The following KCNB2 variants were observed in gnomAD, a reference collection of about 807,000 sequenced individuals.
The protein encoded by KCNB2 is potassium voltage-gated channel subfamily B member 2.
In KCNB2, 15 loss-of-function variants were observed where a neutral mutation model predicts 61.5. The observed-to-expected ratio is 0.24, with a 90% CI of 0.16 to 0.38. The LOEUF is 0.38. Ranked by LOEUF, KCNB2 falls within the 10% of genes least tolerant of loss-of-function variation. The pLI is 1.00. For synonymous variants in KCNB2, 457 were observed against 446.0 expected (o/e 1.02, Z -0.31); for missense variants, 828 against 1,125.2 (o/e 0.74, Z 3.78).
intron 2 of KCNB2, among the ~76,000 whole-genome samples, chr8:72,867,527 G>A (rs1022948893): frequency 2.6e-5 from 4 of 152,202 alleles, no homozygotes; most frequent in African/African-American, 9.7e-5. Flanking sequence ...AGATTACCTT[G>A]TTGATAATAA....
intron 2 of KCNB2, among the ~76,000 whole-genome samples, chr8:72,727,218 C>T (rs1234702697): frequency 1.3e-5 from 2 of 152,028 alleles, no homozygotes; most frequent in South Asian, 2.1e-4. Flanking sequence ...TTATACGTCC[C>T]CCCCAGACCT....
intron 2 of KCNB2, among the ~76,000 whole-genome samples, chr8:72,677,983 A>G (rs1484531660): frequency 6.6e-6 from 1 of 152,172 alleles, no homozygotes; most frequent in East Asian, 1.9e-4. Flanking sequence ...TCTATCTGTT[A>G]CTAGACATCT....
chr8:72,550,767 T>A (rs551301363), intron 1 of KCNB2, among the ~76,000 whole-genome samples: 2 of 152,262 alleles, frequency 1.3e-5, no homozygotes, highest in South Asian at 4.1e-4. Flanking sequence ...GAAAGTGGCA[T>A]CTGGAGAGAA....
At chr8:72,895,997 G>A (rs1055045227) in intron 2 of KCNB2, among the ~76,000 whole-genome samples, 1 of 151,848 alleles carries the variant, frequency 6.6e-6, no homozygotes, top group Non-Finnish European at 1.5e-5. Context: ...AATTTGCAAG[G>A]CATAATATCC....
At chr8:72,834,548 C>T (rs986517607) in intron 2 of KCNB2, among the ~76,000 whole-genome samples, 2 of 152,126 alleles carry the variant, frequency 1.3e-5, no homozygotes, top group African/African-American at 4.8e-5. Flanking sequence ...TGGAACCAAA[C>T]CAAAATTCCT....
At chr8:72,841,200 G>C (rs1372322313) in intron 2 of KCNB2, among the ~76,000 whole-genome samples, 1 of 152,038 alleles carries the variant, frequency 6.6e-6, no homozygotes, top group Non-Finnish European at 1.5e-5. Flanking sequence ...GTTTGTCAAA[G>C]ATCAGATGGT....
rs141829966 is a variant in KCNB2 at position 72,759,272 on chromosome 8, G to A, written c.580-176663G>A. Among the ~76,000 whole-genome samples, 492 of 152,090 alleles carry A rather than the reference G, an allele frequency of 3.2e-3. 1 individual carries two copies. The highest frequency in any genetic ancestry group is 9.3e-3 in the African/African-American group (385 of 41,476). ...GATACTATATTACATAATAAAATAC[G>A]GAAAATGAAACTCGCCCTGTGGAGA... On this transcript the variant is annotated intron_variant, in intron 2 of 2. Coordinates refer to ENST00000523207, the MANE Select transcript of KCNB2 (RefSeq NM_004770.3).
intron 2 of KCNB2, among the ~76,000 whole-genome samples, chr8:72,733,048 G>A (rs190706205): frequency 3.4e-4 from 52 of 152,216 alleles, no homozygotes; most frequent in African/African-American, 1.2e-3. Flanking sequence ...GTAAGAGAAA[G>A]GGAGTAAGGA....
At chr8:72,555,403 T>C (rs1011974515) in intron 1 of KCNB2, among the ~76,000 whole-genome samples, 1 of 151,782 alleles carries the variant, frequency 6.6e-6, no homozygotes, top group Non-Finnish European at 1.5e-5. Context: ...TTCTAGGAAA[T>C]GTAAATTTTA....
rs201580504 is a variant in KCNB2, at chr8:72,560,426, C to T, written c.-93-7216C>T. Among the ~76,000 whole-genome samples the T allele has an allele frequency of 3.9e-5, 6 of 152,132 alleles. No homozygotes were observed. In the East Asian group the frequency reaches 5.8e-4, roughly 15 times the overall value. ...GTGGAATCAGGTAGTGACTGAAGTT[C>T]GTGATTTATTTTTCAGGGTATTACT... On this transcript the variant is annotated intron_variant, in intron 1 of 2. Transcript: ENST00000523207.
rs186091076 is a variant in KCNB2 at position 72,911,138 on chromosome 8, A to G, written c.580-24797A>G. Among the ~76,000 whole-genome samples the G allele has an allele frequency of 8.3e-3, 1,261 of 152,274 alleles. 7 individuals carry two copies. Among genetic ancestry groups the G allele is most frequent in the Non-Finnish European group, 0.011 (763 of 68,022 alleles). ...ATTCACTTGGAGAATTCATTTTCCC[A>G]TTTACAGCATTATAAGGTCTCTATC... On this transcript the variant is annotated intron_variant, in intron 2 of 2. Coordinates refer to ENST00000523207, the MANE Select transcript of KCNB2 (RefSeq NM_004770.3).
intron 2 of KCNB2, among the ~76,000 whole-genome samples, chr8:72,816,556 A>T (rs1809399888): frequency 6.6e-6 from 1 of 152,208 alleles, no homozygotes; most frequent in African/African-American, 2.4e-5. Flanking sequence ...TTCAATGGTA[A>T]TATGTCTCTG....
chr8:72,624,526 G>GT (rs888249557), intron 2 of KCNB2, among the ~76,000 whole-genome samples: 148 of 150,188 alleles, frequency 9.9e-4, no homozygotes, highest in African/African-American at 2.6e-3. Flanking sequence ...AGAGATATGG[G>GT]TTTTTTTTTT....
chr8:72,935,326 T>C (rs1006755882), intron 2 of KCNB2, among the ~76,000 whole-genome samples: 1 of 152,200 alleles, frequency 6.6e-6, no homozygotes, highest in Admixed American at 6.5e-5. Flanking sequence ...GAAGTTAGCA[T>C]ATAATCTTCC....
At chr8:72,715,471 A>G (rs1486310263) in intron 2 of KCNB2, among the ~76,000 whole-genome samples, 1 of 152,234 alleles carries the variant, frequency 6.6e-6, no homozygotes, top group Non-Finnish European at 1.5e-5. Context: ...CTCTCAGACC[A>G]CAGTGCAATC....
At chr8:72,560,011 G>A (rs1381556194) in intron 1 of KCNB2, among the ~76,000 whole-genome samples, 5 of 152,090 alleles carry the variant, frequency 3.3e-5, no homozygotes, top group Admixed American at 2.6e-4. Context: ...CTCAAAACAT[G>A]GAGGTATATA....
chr8:72,855,528 A>G (rs12543864), intron 2 of KCNB2, among the ~76,000 whole-genome samples: 44,274 of 152,038 alleles, frequency 0.29, 6,575 homozygotes, highest in South Asian at 0.41. Context: ...GTGACCCAGT[A>G]TCATCTCTCC....
intron 2 of KCNB2, among the ~76,000 whole-genome samples, chr8:72,816,843 C>T (rs1809403768): frequency 6.6e-6 from 1 of 152,196 alleles, no homozygotes; most frequent in Non-Finnish European, 1.5e-5. Flanking sequence ...CCGTTTCTTG[C>T]ACACTGTGAC....
chr8:72,816,357 T>C (rs1412748440), intron 2 of KCNB2, among the ~76,000 whole-genome samples: 1 of 152,200 alleles, frequency 6.6e-6, no homozygotes, highest in Admixed American at 6.5e-5. Flanking sequence ...TCCCTTTCAG[T>C]TGAAGCAAGG....
Sources: allele counts gnomAD v4.1 joint callset (sites outside exome capture counted in the v4.1 genomes callset), GRCh38; gene constraint gnomAD v4.1.1; transcripts MANE v1.5; gene names NCBI Gene and HGNC (gene_info 2026-07-23, HGNC 2026-07-21).